Variants in FRMD3 observed in about 807,000 individuals in gnomAD.
FRMD3 encodes the protein FERM domain-containing protein 3.
FRMD3 carries 33 observed loss-of-function variants against 70.2 expected under a neutral mutation model. The ratio of observed to expected loss-of-function variants is 0.47; its 90% CI spans 0.36 to 0.63. The LOEUF is 0.63. FRMD3 is among the 20% of genes least tolerant of loss of function. FRMD3 has a pLI of 0.00. For synonymous variants in FRMD3, 279 were observed against 255.9 expected (o/e 1.09, Z -0.86); for missense variants, 632 against 711.4 (o/e 0.89, Z 1.27).
At chr9:83,438,934 GA>G (rs1243530752) in intron 1 of FRMD3, among the ~76,000 whole-genome samples, 7 of 152,198 alleles carry the variant, frequency 4.6e-5, no homozygotes, top group African/African-American at 1.7e-4. Context: ...TCTCTCCAGA[GA>G]AAGAAAACCC....
intron 1 of FRMD3, among the ~76,000 whole-genome samples, chr9:83,398,257 C>G (rs1825857946): frequency 6.6e-6 from 1 of 152,150 alleles, no homozygotes; most frequent in African/African-American, 2.4e-5. Flanking sequence ...TTAACAGTAA[C>G]TGGTACTATT....
the FRMD3 span, among the ~76,000 whole-genome samples, chr9:83,564,643 T>G: frequency 1.3e-5 from 2 of 152,212 alleles, no homozygotes; most frequent in African/African-American, 4.8e-5. Flanking sequence ...GTGGTCCATG[T>G]TGAATTGCCA....
the FRMD3 span, among the ~76,000 whole-genome samples, chr9:83,560,679 A>G: frequency 6.6e-6 from 1 of 152,250 alleles, no homozygotes; most frequent in African/African-American, 2.4e-5. Flanking sequence ...ATCAGACTAC[A>G]TGTGCCTCAC....
intron 1 of FRMD3, 141 bp from the exon 2 acceptor site, chr9:83,389,849 C>T (rs1169831091): frequency 4.9e-6 from 3 of 618,060 alleles, no homozygotes; most frequent in Non-Finnish European, 8.7e-6. Flanking sequence ...GGCTTCCAAA[C>T]TCTTTTAACC....
At chr9:83,313,631 T>C (rs1587713227) in intron 7 of FRMD3, 29 bp downstream of exon 7, 2 of 1,551,774 alleles carry the variant, frequency 1.3e-6, no homozygotes, top group South Asian at 1.1e-5. Context: ...ACAACCATTA[T>C]ATGGTGACCT....
At chr9:83,535,630 T>G (rs1429278844) in intron 1 of FRMD3, among the ~76,000 whole-genome samples, 3 of 152,138 alleles carry the variant, frequency 2.0e-5, no homozygotes, top group African/African-American at 7.2e-5. Flanking sequence ...TTTTTTTTTT[T>G]TAGCTCATCA....
chr9:83,424,800 A>T (rs1826756056), intron 1 of FRMD3, among the ~76,000 whole-genome samples: 1 of 152,242 alleles, frequency 6.6e-6, no homozygotes, highest in Admixed American at 6.5e-5. Flanking sequence ...CCAATTAATC[A>T]TATAACTATC....
At chr9:83,524,094 A>G (rs752518553) in intron 1 of FRMD3, among the ~76,000 whole-genome samples, 1 of 152,270 alleles carries the variant, frequency 6.6e-6, no homozygotes, top group African/African-American at 2.4e-5. Context: ...TAATAGTAAT[A>G]CATTGTTTTC....
In FRMD3 at chr9:83,309,626, T is replaced by C. The variant is rs1418013503; in HGVS notation, c.838-2A>G. 2 of 1,563,926 alleles carry C rather than the reference T, an allele frequency of 1.3e-6. No homozygotes were observed. Among genetic ancestry groups the C allele is most frequent in the African/African-American group, 1.4e-5 (1 of 72,684 alleles). On this transcript the variant is annotated splice_acceptor_variant, in intron 9 of 13. Coordinates refer to ENST00000304195, the MANE Select transcript of FRMD3 (RefSeq NM_174938.6). LOFTEE classifies it high-confidence loss of function. The stretch of plus-strand genomic sequence containing the variant: ...ATGGAATGCCAACATGGCTTTTTTC[T>C]AATTAAAAAATAACAAAACAAGAAA...
chr9:83,274,431 T>A (rs1032101726), intron 13 of FRMD3, among the ~76,000 whole-genome samples: 2 of 152,118 alleles, frequency 1.3e-5, no homozygotes, highest in African/African-American at 4.8e-5. Flanking sequence ...AGGAGAAAAC[T>A]ATTAATGCCA....
chr9:83,560,453 T>C, the FRMD3 span, among the ~76,000 whole-genome samples: 1 of 152,226 alleles, frequency 6.6e-6, no homozygotes, highest in South Asian at 2.1e-4. Context: ...CCTGGCATCA[T>C]GCCCAACCAA....
rs775714089 is a variant in FRMD3, at chr9:83,248,224, A to G, written c.1488T>C (p.Ala496=). Residue 496 remains alanine, a synonymous_variant, in exon 14 of 14, where the codon GCT becomes GCC. Transcript: ENST00000304195. ...LEADENAFLI[A]EEEELKEARR... is the part of the protein sequence containing the mutation. ...GAGCCTCCTTCAGCTCCTCTTCTTCAGCAATCAAAAAGGCGTTTTCATCTG... is the reference window on the plus strand; with the variant it reads ...GAGCCTCCTTCAGCTCCTCTTCTTCGGCAATCAAAAAGGCGTTTTCATCTG... 2.5e-6 allele frequency: 4 copies of G among 1,614,074 alleles called. No homozygotes were observed. The highest frequency in any genetic ancestry group is 2.5e-6 in the Non-Finnish European group (3 of 1,180,046).
chr9:83,583,170 C>A, the FRMD3 span, among the ~76,000 whole-genome samples: 1 of 152,146 alleles, frequency 6.6e-6, no homozygotes, highest in Non-Finnish European at 1.5e-5. Context: ...ACTATTATTT[C>A]TTATTTTTAC....
chr9:83,344,759 G>A (rs1823893517), intron 4 of FRMD3, among the ~76,000 whole-genome samples: 1 of 151,870 alleles, frequency 6.6e-6, no homozygotes, highest in South Asian at 2.1e-4. Context: ...ATAATCACAT[G>A]GGCCAATTCC....
At chr9:83,568,203 T>C in the FRMD3 span, among the ~76,000 whole-genome samples, 2 of 152,168 alleles carry the variant, frequency 1.3e-5, no homozygotes, top group African/African-American at 4.8e-5. Context: ...ATGAGACTTA[T>C]TCACTATCAC....
chr9:83,517,976 T>C (rs1261530966), intron 1 of FRMD3, among the ~76,000 whole-genome samples: 1 of 152,212 alleles, frequency 6.6e-6, no homozygotes, highest in African/African-American at 2.4e-5. Context: ...TAGGTATTGA[T>C]GGAACATATC....
the FRMD3 span, among the ~76,000 whole-genome samples, chr9:83,551,355 T>C: frequency 2.0e-5 from 3 of 152,218 alleles, no homozygotes; most frequent in South Asian, 6.2e-4. Flanking sequence ...AGCTTTTTGA[T>C]GTGCAGCTGG....
chr9:83,463,074 T>C lies in FRMD3; in HGVS notation c.148-73366A>G, dbSNP rs74637092. 3.2e-3 allele frequency among the ~76,000 whole-genome samples: 484 copies of C among 152,260 alleles called. 4 individuals are homozygous for C. The highest frequency in any genetic ancestry group is 0.011 in the African/African-American group (443 of 41,548). ...ATGCAAAAATTGCACCATGATGTTC[T>C]GGGGATTCTCTGATAGCAAAGAGAA... On this transcript the variant is annotated intron_variant, in intron 1 of 13. Coordinates refer to ENST00000304195, the MANE Select transcript of FRMD3 (RefSeq NM_174938.6).
chr9:83,529,151 T>C (rs1829743946), intron 1 of FRMD3, among the ~76,000 whole-genome samples: 1 of 152,202 alleles, frequency 6.6e-6, no homozygotes, highest in Non-Finnish European at 1.5e-5. Flanking sequence ...AAAATTCCAC[T>C]GTACACTTCT....
Sources: allele counts gnomAD v4.1 joint callset (sites outside exome capture counted in the v4.1 genomes callset), GRCh38; gene constraint gnomAD v4.1.1; transcripts MANE v1.5; gene names NCBI Gene and HGNC (gene_info 2026-07-23, HGNC 2026-07-21).